Variants in PDE1C observed in about 807,000 individuals in gnomAD.
The protein encoded by PDE1C is dual specificity calcium/calmodulin-dependent 3',5'-cyclic nucleotide phosphodiesterase 1C.
PDE1C carries 62 observed loss-of-function variants against 93.1 expected under a neutral mutation model. The ratio of observed to expected loss-of-function variants is 0.67; its 90% CI spans 0.54 to 0.82. The LOEUF (loss-of-function observed/expected upper bound fraction) is 0.82, where lower values mean the gene tolerates loss of function less well. Among genes scored for constraint, PDE1C ranks in the 40% least tolerant of loss-of-function variants. The pLI is 0.00. For missense variants in PDE1C, 742 were observed against 884.6 expected (o/e 0.84, Z 2.04); for synonymous variants, 325 against 310.1 (o/e 1.05, Z -0.50).
intron 3 of PDE1C, among the ~76,000 whole-genome samples, chr7:32,127,256 A>T (rs1253302017): frequency 6.6e-6 from 1 of 152,036 alleles, no homozygotes; most frequent in African/African-American, 2.4e-5. Context: ...CAGCCTCCAT[A>T]GTTCCATGAG....
At chr7:32,206,535 A>C (rs1477623333) in intron 2 of PDE1C, among the ~76,000 whole-genome samples, 1 of 152,166 alleles carries the variant, frequency 6.6e-6, no homozygotes, top group Non-Finnish European at 1.5e-5. Context: ...AGAAGTCCCC[A>C]ATGTCAGGAG....
In PDE1C at chr7:31,850,570, C is replaced by T. The variant is rs1207807585; in HGVS notation, c.851+71G>A. 31 of 1,011,394 alleles carry T rather than the reference C, an allele frequency of 3.1e-5. No homozygotes were observed. In the East Asian group the frequency reaches 7.4e-4, roughly 24 times the overall value. The allele number at this position is 1,011,394 out of a possible 1,614,324, so 62.7% of individuals were successfully genotyped here. ...ACCTATGCAAAAGAAAGGTGACTAA[C>T]ACCTTTCTGATTTCTAAAACTGTCT... is the stretch of plus-strand genomic sequence containing the variant. On this transcript the variant is annotated intron_variant, in intron 8 of 17. Coordinates refer to ENST00000396191, the MANE Select transcript of PDE1C (RefSeq NM_001191057.4).
At chr7:31,710,626 CTGAGAA>C in the PDE1C span, among the ~76,000 whole-genome samples, 3,126 of 152,258 alleles carry the variant, frequency 0.021, 118 homozygotes, top group African/African-American at 0.071. Context: ...TTTTTGCTAG[CTGAGAA>C]TAAGAGGCTG....
chr7:31,754,526 C>T (rs1262205277), intron 17 of PDE1C, among the ~76,000 whole-genome samples: 1 of 152,142 alleles, frequency 6.6e-6, no homozygotes, highest in Non-Finnish European at 1.5e-5. Context: ...AATTGTGATA[C>T]ATTTATACAA....
At chr7:31,870,511 G>A (rs991939502) in intron 6 of PDE1C, among the ~76,000 whole-genome samples, 4 of 151,986 alleles carry the variant, frequency 2.6e-5, no homozygotes, top group Non-Finnish European at 5.9e-5. Flanking sequence ...AGAGGAAATG[G>A]ATAAGTTCCT....
chr7:32,201,831 T>TATC (rs1562572757), intron 2 of PDE1C, among the ~76,000 whole-genome samples: 1 of 152,230 alleles, frequency 6.6e-6, no homozygotes, highest in African/African-American at 2.4e-5. Context: ...ATATTGTGGC[T>TATC]CTCTCTTGTT....
At chr7:32,296,399 T>C (rs1412870607) in intron 1 of PDE1C, among the ~76,000 whole-genome samples, 1 of 152,272 alleles carries the variant, frequency 6.6e-6, no homozygotes, top group Non-Finnish European at 1.5e-5. Context: ...TTACCATTTA[T>C]TGAATGTTTG....
chr7:32,184,698 A>G (rs944091140), intron 2 of PDE1C, among the ~76,000 whole-genome samples: 1 of 152,242 alleles, frequency 6.6e-6, no homozygotes, highest in Non-Finnish European at 1.5e-5. Context: ...ACCTAATGTT[A>G]AATGAAGAGT....
intron 1 of PDE1C, among the ~76,000 whole-genome samples, chr7:32,377,073 T>C (rs929326825): frequency 2.0e-5 from 3 of 152,126 alleles, no homozygotes; most frequent in African/African-American, 7.2e-5. Context: ...CACTGTGTTC[T>C]CTGCTGTAGC....
intron 1 of PDE1C, among the ~76,000 whole-genome samples, chr7:32,248,631 G>T (rs1320981305): frequency 1.3e-5 from 2 of 152,110 alleles, no homozygotes; most frequent in East Asian, 3.9e-4. Context: ...TAGAAGGATG[G>T]GTATGATTTA....
chr7:32,361,938 A>G (rs1363846788), intron 1 of PDE1C, among the ~76,000 whole-genome samples: 1 of 152,220 alleles, frequency 6.6e-6, no homozygotes, highest in Non-Finnish European at 1.5e-5. Context: ...TCCGTCATTC[A>G]ACAGCATCTG....
At chr7:31,974,032 C>A (rs1412399301) in intron 2 of PDE1C, among the ~76,000 whole-genome samples, 1 of 152,110 alleles carries the variant, frequency 6.6e-6, no homozygotes, top group Non-Finnish European at 1.5e-5. Flanking sequence ...ATTAGTAACT[C>A]TCATTGTTCA....
the PDE1C span, among the ~76,000 whole-genome samples, chr7:31,721,592 T>C: frequency 6.6e-6 from 1 of 152,192 alleles, no homozygotes; most frequent in African/African-American, 2.4e-5. Flanking sequence ...AACCAGAGAT[T>C]TGAAGTTGCA....
chr7:31,635,710 G>C, the PDE1C span, among the ~76,000 whole-genome samples: 3 of 152,026 alleles, frequency 2.0e-5, no homozygotes, highest in East Asian at 5.8e-4. Context: ...AATTTATGAA[G>C]AAAAGAGGTT....
At chr7:32,073,886 A>C (rs3793246), upstream of PDE1C, among the ~76,000 whole-genome samples, 3 of 151,982 alleles carry the variant, frequency 2.0e-5, no homozygotes, top group Non-Finnish European at 4.4e-5. Context: ...GCCACTCACA[A>C]CTTTGCTTTA....
intron 1 of PDE1C, among the ~76,000 whole-genome samples, chr7:32,313,198 A>C (rs893108095): frequency 4.6e-5 from 7 of 152,208 alleles, no homozygotes; most frequent in South Asian, 2.1e-4. Flanking sequence ...TCAAAACCAC[A>C]ATGAGATACC....
chr7:31,789,560 C>T (rs1784357920), intron 16 of PDE1C: 1 of 694,280 alleles, frequency 1.4e-6, no homozygotes, highest in Non-Finnish European at 1.8e-6. Context: ...CTAATGAATG[C>T]ACAGAGAAAA....
At chr7:31,795,020 T>C (rs116229893) in intron 16 of PDE1C, among the ~76,000 whole-genome samples, 441 of 152,100 alleles carry the variant, frequency 2.9e-3, no homozygotes, top group African/African-American at 0.01. Flanking sequence ...ATAGCATATA[T>C]TGCAGCGGAC....
chr7:32,076,621 C>T (rs775603209), intron 3 of PDE1C, among the ~76,000 whole-genome samples: 11 of 134,438 alleles, frequency 8.2e-5, no homozygotes, highest in African/African-American at 2.6e-4. Context: ...CCAGCCTGGG[C>T]GACAGAGTGA....
Sources: allele counts gnomAD v4.1 joint callset (sites outside exome capture counted in the v4.1 genomes callset), GRCh38; gene constraint gnomAD v4.1.1; transcripts MANE v1.5; gene names NCBI Gene and HGNC (gene_info 2026-07-23, HGNC 2026-07-21).